Variants in PREX2 observed in about 807,000 individuals in gnomAD.
PREX2 encodes the protein phosphatidylinositol-3,4,5-trisphosphate dependent Rac exchange factor 2, also known as phosphatidylinositol 3,4,5-trisphosphate-dependent Rac exchanger 2 protein.
PREX2 carries 107 observed loss-of-function variants against 203.2 expected under a neutral mutation model. The ratio of observed to expected loss-of-function variants is 0.53; its 90% CI spans 0.45 to 0.62. PREX2 has a LOEUF of 0.62. PREX2 is among the 20% of genes least tolerant of loss of function. The probability of loss-of-function intolerance (pLI) is 0.00; values close to 1 mark genes in which losing one functional copy is unlikely to be tolerated. For missense variants in PREX2, 1,777 were observed against 1,955.9 expected, an observed-to-expected ratio of 0.91 and a Z score of 1.72; for synonymous variants, 672 against 663.6, an observed-to-expected ratio of 1.01 and a Z score of -0.19.
At chr8:68,213,976 TGTA>T (rs1812788212) in intron 37 of PREX2, among the ~76,000 whole-genome samples, 1 of 152,164 alleles carries the variant, frequency 6.6e-6, no homozygotes, top group Admixed American at 6.5e-5. Context: ...TAAGTGATGT[TGTA>T]GTAGAAGGAG....
chr8:68,168,272 C>T (rs998422732), intron 35 of PREX2, among the ~76,000 whole-genome samples: 6 of 152,300 alleles, frequency 3.9e-5, no homozygotes, highest in Admixed American at 6.5e-5. Flanking sequence ...TTAGGTATAA[C>T]TAGCAGGGAG....
intron 1 of PREX2, among the ~76,000 whole-genome samples, chr8:67,987,632 C>A (rs546339502): frequency 2.6e-5 from 4 of 152,200 alleles, no homozygotes; most frequent in Admixed American, 6.5e-5. Flanking sequence ...TCACACAGAT[C>A]TGGTAGCTTC....
chr8:68,165,644 A>T (rs1002002418), intron 35 of PREX2, among the ~76,000 whole-genome samples: 2 of 152,026 alleles, frequency 1.3e-5, no homozygotes, highest in African/African-American at 4.8e-5. Context: ...TACCTCCTGA[A>T]TGGAGGCAAT....
At position 68,232,115 on chromosome 8, in the gene PREX2, A is replaced by G. The variant is rs529966041; in HGVS notation, c.*737A>G. 2.0e-5 allele frequency: 3 copies of G among 152,334 alleles called. No individual in the cohort carries two copies. The East Asian group carries it at 5.8e-4, about 29-fold the overall frequency. 9.4% of individuals were successfully genotyped at this position (152,334 alleles called of 1,614,324 possible). A position where few individuals can be genotyped will look rare whatever the true frequency, so the allele number is the denominator to read the frequency against. On this transcript the variant is annotated 3_prime_UTR_variant, in exon 40 of 40. Coordinates refer to ENST00000288368, the MANE Select transcript of PREX2 (RefSeq NM_024870.4). ...TGGGCATGGCTTCCTTGGGCCATGA[A>G]TACTGGGTGCTGTGCCATAATGGCC...
intron 1 of PREX2, among the ~76,000 whole-genome samples, chr8:67,967,862 A>G (rs1019907363): frequency 3.3e-5 from 5 of 152,124 alleles, no homozygotes; most frequent in African/African-American, 4.8e-5. Flanking sequence ...GTTCTCACTC[A>G]TAGGTGGGAA....
At chr8:68,154,352 T>C (rs903524218) in intron 34 of PREX2, among the ~76,000 whole-genome samples, 5 of 152,264 alleles carry the variant, frequency 3.3e-5, no homozygotes, top group Non-Finnish European at 7.3e-5. Context: ...TTAAATTCTT[T>C]CTCATTAACC....
At chr8:68,212,244 T>G (rs1812754736) in intron 37 of PREX2, among the ~76,000 whole-genome samples, 1 of 152,210 alleles carries the variant, frequency 6.6e-6, no homozygotes, top group South Asian at 2.1e-4. Context: ...TACCTCCTTC[T>G]GCCATTACAC....
intron 14 of PREX2, 129 bp downstream of exon 14, chr8:68,072,699 G>A (rs1186660361): frequency 3.7e-6 from 2 of 536,556 alleles, no homozygotes; most frequent in African/African-American, 2.0e-5. Flanking sequence ...ACAACTAATA[G>A]GAAGCAGAGT....
intron 1 of PREX2, among the ~76,000 whole-genome samples, chr8:67,972,463 A>G (rs1006721154): frequency 6.6e-6 from 1 of 152,220 alleles, no homozygotes; most frequent in African/African-American, 2.4e-5. Flanking sequence ...TGCTGAATTT[A>G]CTGCATTCTC....
chr8:68,112,369 G>A (rs1218573821), intron 25 of PREX2, among the ~76,000 whole-genome samples: 2 of 152,170 alleles, frequency 1.3e-5, no homozygotes, highest in Non-Finnish European at 2.9e-5. Context: ...AGGGAGGAAA[G>A]GGGACTGGTA....
intron 8 of PREX2, among the ~76,000 whole-genome samples, chr8:68,049,117 CT>C (rs3056658): frequency 0.13 from 15,483 of 116,038 alleles, 535 homozygotes; most frequent in Middle Eastern, 0.17. Flanking sequence ...CAATTAGAAT[CT>C]TTTTTTTTTT....
intron 37 of PREX2, among the ~76,000 whole-genome samples, chr8:68,193,410 C>G (rs10957421): frequency 0.67 from 101,941 of 152,014 alleles, 34,417 homozygotes; most frequent in Admixed American, 0.77. Flanking sequence ...TTTGCTGCAC[C>G]CATCAACCCG....
At chr8:68,031,338 G>C (rs1204121815) in intron 6 of PREX2, among the ~76,000 whole-genome samples, 1 of 152,114 alleles carries the variant, frequency 6.6e-6, no homozygotes, top group East Asian at 1.9e-4. Flanking sequence ...TAATTTATAT[G>C]AGTATAAGCT....
chr8:68,094,008 A>G (rs979273866), intron 21 of PREX2, among the ~76,000 whole-genome samples: 17 of 152,354 alleles, frequency 1.1e-4, no homozygotes, highest in Admixed American at 8.5e-4. Context: ...AGTGGAGAAA[A>G]CACTAAAGCC....
chr8:68,132,740 C>T (rs908213082), intron 31 of PREX2, among the ~76,000 whole-genome samples: 2 of 152,030 alleles, frequency 1.3e-5, no homozygotes, highest in Non-Finnish European at 2.9e-5. Context: ...CCAGAAGAGT[C>T]TATGAACCCT....
At chr8:68,115,730 T>G in intron 25 of PREX2, 23 bp from the exon 26 acceptor site, 3 of 1,567,454 alleles carry the variant, frequency 1.9e-6, no homozygotes, top group Non-Finnish European at 2.6e-6. Context: ...AAATGTGCAT[T>G]TTTTTTTAAT....
chr8:68,148,705 C>G (rs929961634), intron 34 of PREX2, among the ~76,000 whole-genome samples: 2 of 152,190 alleles, frequency 1.3e-5, no homozygotes, highest in Non-Finnish European at 2.9e-5. Flanking sequence ...ATGCTCACAG[C>G]AGCAAAATAT....
At position 68,224,835 on chromosome 8, in the gene PREX2, C is replaced by A. The variant is rs1240287044; in HGVS notation, c.4775+209C>A. Among the ~76,000 whole-genome samples, 9 of 152,042 alleles carry A rather than the reference C, an allele frequency of 5.9e-5. No individual in the cohort carries two copies. The East Asian group carries it at 1.5e-3, about 26-fold the overall frequency. On this transcript the variant is annotated intron_variant, in intron 39 of 39. Coordinates refer to ENST00000288368, the MANE Select transcript of PREX2 (RefSeq NM_024870.4). Reference sequence around the variant, plus strand: ...TGGATATTATTCTATTTTGCAAGTTCTATCATGAATTCAAAAAGAAAAGCT... The same window carrying A: ...TGGATATTATTCTATTTTGCAAGTTATATCATGAATTCAAAAAGAAAAGCT...
intron 15 of PREX2, 24 bp downstream of exon 15, chr8:68,077,493 C>G (rs1341791962): frequency 1.3e-6 from 2 of 1,528,184 alleles, no homozygotes; most frequent in Non-Finnish European, 1.8e-6. Context: ...ACCCTGGGAG[C>G]TTACAGATGT....
Sources: allele counts gnomAD v4.1 joint callset (sites outside exome capture counted in the v4.1 genomes callset), GRCh38; gene constraint gnomAD v4.1.1; transcripts MANE v1.5; gene names NCBI Gene and HGNC (gene_info 2026-07-23, HGNC 2026-07-21).